Variants in CTNND1 observed in about 807,000 individuals in gnomAD.
The protein encoded by CTNND1 is catenin delta-1.
Under a neutral mutation model 112.1 loss-of-function variants are expected in CTNND1, and 16 were observed. That is an observed-to-expected ratio of 0.14 (90% confidence interval 0.10 to 0.22). The LOEUF is 0.22. Among genes scored for constraint, CTNND1 ranks in the 10% least tolerant of loss-of-function variants. The pLI, the probability that CTNND1 is intolerant of heterozygous loss-of-function variation, is 1.00. For missense variants in CTNND1, 1,008 were observed against 1,257.0 expected, an observed-to-expected ratio of 0.80 and a Z score of 3.00; for synonymous variants, 420 against 446.5, an observed-to-expected ratio of 0.94 and a Z score of 0.75.
intron 1 of CTNND1, among the ~76,000 whole-genome samples, chr11:57,768,684 A>C (rs1428020439): frequency 9.9e-5 from 15 of 151,698 alleles, no homozygotes; most frequent in Non-Finnish European, 2.2e-4. Context: ...TGAGCCACCA[A>C]GCCCAGCCAG....
chr11:57,779,331 C>G (rs559495817), intron 1 of CTNND1, among the ~76,000 whole-genome samples: 21 of 152,292 alleles, frequency 1.4e-4, no homozygotes, highest in Non-Finnish European at 2.5e-4. Context: ...TTTTTCTTCC[C>G]TATGTCTAGA....
chr11:57,784,923 G>A (rs1191501918), intron 1 of CTNND1, among the ~76,000 whole-genome samples: 2 of 152,198 alleles, frequency 1.3e-5, no homozygotes, highest in African/African-American at 4.8e-5. Context: ...GTGAACTTCA[G>A]AGTTCACATA....
intron 1 of CTNND1, among the ~76,000 whole-genome samples, chr11:57,766,962 G>T (rs1168305022): frequency 6.6e-6 from 1 of 151,300 alleles, no homozygotes; most frequent in Non-Finnish European, 1.5e-5. Context: ...AAGAGGCAAA[G>T]AATTTTCTTA....
intron 1 of CTNND1, among the ~76,000 whole-genome samples, chr11:57,765,166 G>T (rs1950750869): frequency 6.6e-6 from 1 of 152,158 alleles, no homozygotes; most frequent in Non-Finnish European, 1.5e-5. Flanking sequence ...TGCAGGGACA[G>T]GCTTGTAGGA....
At chr11:57,772,189 C>T (rs1471676447) in intron 1 of CTNND1, among the ~76,000 whole-genome samples, 1 of 151,506 alleles carries the variant, frequency 6.6e-6, no homozygotes, top group African/African-American at 2.4e-5. Flanking sequence ...GCCTCGCCCT[C>T]CCAAAGTGCT....
rs1359433518 is a variant in CTNND1, at chr11:57,788,449, G to T, written c.-213-588G>T. 6.6e-6 allele frequency among the ~76,000 whole-genome samples: 1 copy of T among 152,184 alleles called. No homozygotes were observed. The highest frequency in any genetic ancestry group is 6.5e-5 in the Admixed American group (1 of 15,272). On this transcript the variant is annotated intron_variant, in intron 1 of 20. Coordinates refer to ENST00000399050, the MANE Select transcript of CTNND1 (RefSeq NM_001085458.2). This position sits in a 1 kb window ranked among gnomAD's most constrained non-coding sequence, Gnocchi z 4.1. ...GAGTTTATTGGACACTTACTTATCA[G>T]TTCCTTTGGGTACTCTTGCTTGCTG...
intron 1 of CTNND1, among the ~76,000 whole-genome samples, chr11:57,786,001 A>G (rs1048319841): frequency 6.6e-6 from 1 of 151,994 alleles, no homozygotes; most frequent in African/African-American, 2.4e-5. Flanking sequence ...TGGATGAAGG[A>G]TCTTTACTAT....
In CTNND1 at chr11:57,761,988, C is replaced by T. The variant is rs1257667989; in HGVS notation, c.-345C>T. The T allele has an allele frequency of 2.8e-5, 28 of 985,310 alleles. No homozygotes were observed. The highest frequency in any genetic ancestry group is 9.4e-5 in the South Asian group (2 of 21,290). 61.0% of individuals were successfully genotyped at this position (985,310 alleles called of 1,614,324 possible). A position where few individuals can be genotyped will look rare whatever the true frequency, so the allele number is the denominator to read the frequency against. On this transcript the variant is annotated 5_prime_UTR_variant, in exon 1 of 21. Coordinates refer to ENST00000399050, the MANE Select transcript of CTNND1 (RefSeq NM_001085458.2). ...CTGCTGGATTTGTCTTTCTCAGCAC[C>T]TTGGCGAAGCCTTGGGTTTCTTTCT...
In CTNND1 at chr11:57,806,450, T is replaced by C. The variant is rs1464763236; in HGVS notation, c.1877-11T>C. ...CTTCTCTGCTTTCTACCTTGGGTGA[T>C]GCACTGGAAGATGAGTGGTTCTCCA... On this transcript the variant is annotated splice_polypyrimidine_tract_variant and intron_variant, in intron 10 of 20. Coordinates refer to ENST00000399050, the MANE Select transcript of CTNND1 (RefSeq NM_001085458.2). 1.9e-6 allele frequency: 3 copies of C among 1,601,334 alleles called. No homozygotes were observed. Among genetic ancestry groups the C allele is most frequent in the South Asian group, 1.1e-5 (1 of 88,608 alleles).
intron 1 of CTNND1, among the ~76,000 whole-genome samples, chr11:57,787,411 G>T (rs531896138): frequency 6.6e-6 from 1 of 152,136 alleles, no homozygotes; most frequent in African/African-American, 2.4e-5. Context: ...GAGACATTAC[G>T]GTGAAGTAAT....
chr11:57,786,255 C>T (rs1032606521), intron 1 of CTNND1, among the ~76,000 whole-genome samples: 9 of 150,562 alleles, frequency 6.0e-5, no homozygotes, highest in East Asian at 3.9e-4. Context: ...AAGTGGAGGC[C>T]GGCTGCCGTG....
intron 1 of CTNND1, among the ~76,000 whole-genome samples, chr11:57,773,912 G>A (rs1177708901): frequency 6.6e-6 from 1 of 152,040 alleles, no homozygotes; most frequent in Non-Finnish European, 1.5e-5. Context: ...ATTCCAGCCT[G>A]GGCAACAGAG....
At chr11:57,811,861 CT>C (rs1176376558) in intron 17 of CTNND1, among the ~76,000 whole-genome samples, 1 of 152,072 alleles carries the variant, frequency 6.6e-6, no homozygotes, top group Non-Finnish European at 1.5e-5. Flanking sequence ...TCACTTGTTT[CT>C]TTTATCCAGA....
intron 16 of CTNND1, among the ~76,000 whole-genome samples, chr11:57,810,994 T>C (rs1271893413): frequency 6.6e-6 from 1 of 151,908 alleles, no homozygotes; most frequent in Non-Finnish European, 1.5e-5. Flanking sequence ...GGTTTACTCC[T>C]CAAAAGGATG....
At chr11:57,805,484 C>T (rs2062550938) in intron 9 of CTNND1, among the ~76,000 whole-genome samples, 1 of 152,016 alleles carries the variant, frequency 6.6e-6, no homozygotes, top group South Asian at 2.1e-4. Context: ...CTCAGGTGAT[C>T]CACCCGCCTC....
chr11:57,815,336 T>G, intron 18 of CTNND1, 58 bp from the exon 19 acceptor site: 1 of 1,010,316 alleles, frequency 9.9e-7, no homozygotes, highest in Non-Finnish European at 1.5e-6. Flanking sequence ...CTGTTTGATA[T>G]ACGTTTTACA....
In CTNND1 at chr11:57,805,909, C is replaced by G; in HGVS notation, c.1750C>G (p.Arg584Gly). ...TGTAGAGAACTGTGTTTGCCTTCTT[C>G]GGAACTTATCATATCAAGTTCACCG... ...KLVENCVCLLRNLSYQVHREI... is the reference protein window; with the variant it reads ...KLVENCVCLLGNLSYQVHREI... Residue 584 changes from arginine to glycine, a missense_variant, in exon 10 of 21, where the codon CGG becomes GGG. Physicochemically the swap from Arg to Gly is moderately radical, Grantham distance 125. Around this residue, in one of 5 missense-constraint regions of CTNND1, gnomAD observed 216 missense variants for 342.8 expected, o/e 0.63. Coordinates refer to ENST00000399050, the MANE Select transcript of CTNND1 (RefSeq NM_001085458.2). 6.2e-7 allele frequency: 1 copy of G among 1,613,812 alleles called. No homozygotes were observed. Among genetic ancestry groups the G allele is most frequent in the Non-Finnish European group, 8.5e-7 (1 of 1,179,804 alleles).
intron 1 of CTNND1, among the ~76,000 whole-genome samples, chr11:57,786,743 C>G (rs1272263157): frequency 1.3e-5 from 2 of 152,214 alleles, no homozygotes; most frequent in Non-Finnish European, 2.9e-5. Context: ...TCATTCTTTC[C>G]CCACTCATAC....
chr11:57,797,080 G>A (rs898960152), intron 6 of CTNND1, 88 bp downstream of exon 6: 38 of 1,207,286 alleles, frequency 3.1e-5, no homozygotes, highest in Non-Finnish European at 3.9e-5. Flanking sequence ...GGCTTTTTGG[G>A]ATCAGAGATA....
Sources: allele counts gnomAD v4.1 joint callset (sites outside exome capture counted in the v4.1 genomes callset), GRCh38; gene constraint gnomAD v4.1.1; regional missense constraint gnomAD v4.1.1; non-coding constraint Gnocchi (gnomAD v3.1); transcripts MANE v1.5; gene names NCBI Gene and HGNC (gene_info 2026-07-23, HGNC 2026-07-21).